GRM5: variants seen among roughly 807,000 people sequenced by gnomAD.
GRM5 encodes the protein metabotropic glutamate receptor 5.
In GRM5, 19 loss-of-function variants were observed where a neutral mutation model predicts 83.1. The ratio of observed to expected loss-of-function variants is 0.23; its 90% CI spans 0.16 to 0.34. GRM5 has a LOEUF of 0.34. Among genes scored for constraint, GRM5 ranks in the 10% least tolerant of loss-of-function variants. The pLI, the probability that GRM5 is intolerant of heterozygous loss-of-function variation, is 1.00. For missense variants in GRM5, 1,160 were observed against 1,588.3 expected (o/e 0.73, Z 4.58); for synonymous variants, 675 against 633.6 (o/e 1.07, Z -0.98).
chr11:88,601,568 G>A (rs943684918), intron 5 of GRM5, among the ~76,000 whole-genome samples: 4 of 151,960 alleles, frequency 2.6e-5, no homozygotes, highest in Non-Finnish European at 4.4e-5. Context: ...ATTTGGCTTT[G>A]TGCAATTTCA....
chr11:89,062,490 T>C (rs541530732), intron 1 of GRM5, among the ~76,000 whole-genome samples: 2 of 152,348 alleles, frequency 1.3e-5, no homozygotes, highest in East Asian at 3.9e-4. Flanking sequence ...AAATCCCATG[T>C]AGCGAATGGA....
intron 3 of GRM5, among the ~76,000 whole-genome samples, chr11:88,743,008 T>C (rs1942060011): frequency 6.6e-6 from 1 of 152,088 alleles, no homozygotes; most frequent in African/African-American, 2.4e-5. Flanking sequence ...ACAAATTCTA[T>C]CAACTTCTGA....
chr11:88,611,738 T>G (rs948691243), intron 4 of GRM5, among the ~76,000 whole-genome samples: 2 of 152,186 alleles, frequency 1.3e-5, no homozygotes, highest in Non-Finnish European at 2.9e-5. Context: ...TTTTGATTAT[T>G]TCTTATCTTC....
Position 88,853,930 on chromosome 11 carries a change from T to C in GRM5, c.662-3775A>G, listed in dbSNP as rs183196704. Reference sequence around the variant, plus strand: ...AACAAAACTAAAAACAGAATTATCATATGATAATCACCCCTACCCCTGGCT... The same window carrying C: ...AACAAAACTAAAAACAGAATTATCACATGATAATCACCCCTACCCCTGGCT... On this transcript the variant is annotated intron_variant, in intron 2 of 9. Transcript: ENST00000305447. 1.6e-3 allele frequency among the ~76,000 whole-genome samples: 248 copies of C among 151,654 alleles called. 1 individual carries two copies. The highest frequency in any genetic ancestry group is 5.7e-3 in the African/African-American group (237 of 41,402).
chr11:89,035,171 CTGTTT>C (rs1279557909), intron 2 of GRM5, among the ~76,000 whole-genome samples: 1 of 151,530 alleles, frequency 6.6e-6, no homozygotes, highest in Non-Finnish European at 1.5e-5. Flanking sequence ...CATGTATTTC[CTGTTT>C]TATGAAATCA....
At chr11:88,608,401 A>C (rs1046498272) in intron 4 of GRM5, among the ~76,000 whole-genome samples, 1 of 151,974 alleles carries the variant, frequency 6.6e-6, no homozygotes. Context: ...TTCTTTTGTG[A>C]CATTATTTTC....
At chr11:88,950,926 T>C (rs1379608473) in intron 2 of GRM5, among the ~76,000 whole-genome samples, 1 of 152,234 alleles carries the variant, frequency 6.6e-6, no homozygotes, top group Non-Finnish European at 1.5e-5. Flanking sequence ...TATAAATGTA[T>C]AAATCAAATG....
At position 88,856,230 on chromosome 11, in the gene GRM5, A is replaced by C. The variant is rs1222524336; in HGVS notation, c.662-6075T>G. Among the ~76,000 whole-genome samples, 6 of 152,246 alleles carry C rather than the reference A, an allele frequency of 3.9e-5. No homozygotes were observed. In the East Asian group the frequency reaches 1.2e-3, roughly 29 times the overall value. Reference sequence around the variant, plus strand: ...ACAGTTCATTTTACTGACAACTACTAGTGAAGTAAAATTTTCTTTCCTTAT... The same window carrying C: ...ACAGTTCATTTTACTGACAACTACTCGTGAAGTAAAATTTTCTTTCCTTAT... On this transcript the variant is annotated intron_variant, in intron 2 of 9. Transcript: ENST00000305447.
chr11:88,662,791 C>T (rs753239667), intron 3 of GRM5, among the ~76,000 whole-genome samples: 18 of 152,120 alleles, frequency 1.2e-4, no homozygotes, highest in Non-Finnish European at 2.4e-4. Flanking sequence ...GTATGGCCTC[C>T]AGCAAACAAC....
At chr11:88,612,800 C>T (rs911695088) in intron 4 of GRM5, 15 of 152,236 alleles carry the variant, frequency 9.9e-5, no homozygotes, top group Admixed American at 9.8e-4. Context: ...CCTTCGCCCA[C>T]TTTTAAAAAT....
intron 3 of GRM5, among the ~76,000 whole-genome samples, chr11:88,760,333 A>AAAAAG (rs150754479): frequency 6.6e-6 from 1 of 151,164 alleles, no homozygotes; most frequent in East Asian, 1.9e-4. Flanking sequence ...TAGACTAATA[A>AAAAAG]AGAGAAGATC....
At chr11:88,704,325 C>T (rs1941103778) in intron 3 of GRM5, among the ~76,000 whole-genome samples, 1 of 151,874 alleles carries the variant, frequency 6.6e-6, no homozygotes, top group African/African-American at 2.4e-5. Flanking sequence ...AGGACCTTGC[C>T]CCAAGTTAGG....
At chr11:88,534,113 G>A (rs1565327815) in intron 8 of GRM5, among the ~76,000 whole-genome samples, 1 of 152,190 alleles carries the variant, frequency 6.6e-6, no homozygotes, top group Non-Finnish European at 1.5e-5. Context: ...TGCAGGAGTG[G>A]GGCTTTCATG....
At chr11:88,922,516 G>A (rs1242366467) in intron 2 of GRM5, among the ~76,000 whole-genome samples, 3 of 152,114 alleles carry the variant, frequency 2.0e-5, no homozygotes, top group African/African-American at 7.2e-5. Context: ...TTGGAAAACT[G>A]GGTATCCATA....
rs141536707 is a variant in GRM5 at position 88,824,375 on chromosome 11, C to T, written c.911+25531G>A. On this transcript the variant is annotated intron_variant, in intron 3 of 9. Transcript: ENST00000305447. ...GAAAGATTCTTTTATTCCTTGGAAT[C>T]GCTATATGAATTGCTCTCCTCCCCA... 4.9e-4 allele frequency among the ~76,000 whole-genome samples: 74 copies of T among 152,208 alleles called. 1 individual carries two copies. The East Asian group carries it at 0.012, about 25-fold the overall frequency.
chr11:88,767,671 C>T (rs1033319606), intron 3 of GRM5, among the ~76,000 whole-genome samples: 3 of 151,794 alleles, frequency 2.0e-5, no homozygotes, highest in African/African-American at 7.3e-5. Flanking sequence ...TTGGGACCTA[C>T]TTGAGGGTGG....
chr11:88,650,596 T>C (rs1939605067), intron 4 of GRM5, among the ~76,000 whole-genome samples: 1 of 152,004 alleles, frequency 6.6e-6, no homozygotes. Flanking sequence ...GGAAGAAATG[T>C]TCAATTGATA....
At chr11:88,781,786 A>G (rs956806583) in intron 3 of GRM5, among the ~76,000 whole-genome samples, 7 of 152,160 alleles carry the variant, frequency 4.6e-5, no homozygotes, top group African/African-American at 1.7e-4. Flanking sequence ...GGATTAAATC[A>G]TTTCTTTGCT....
At chr11:88,824,614 A>G (rs996539084) in intron 3 of GRM5, among the ~76,000 whole-genome samples, 3 of 152,160 alleles carry the variant, frequency 2.0e-5, no homozygotes, top group African/African-American at 7.2e-5. Flanking sequence ...TCTTGCATCT[A>G]GAGTTAATAA....
Sources: gnomAD v4.1 joint callset for allele counts (sites outside exome capture counted in the v4.1 genomes callset) on GRCh38, gnomAD v4.1.1 for gene constraint, MANE v1.5 for transcripts, NCBI Gene and HGNC (gene_info 2026-07-23, HGNC 2026-07-21) for gene names.